CPN1: variants seen among roughly 807,000 people sequenced by gnomAD.
CPN1 encodes the protein carboxypeptidase N catalytic chain.
In CPN1, 37 loss-of-function variants were observed where a neutral mutation model predicts 46.4. The ratio of observed to expected loss-of-function variants is 0.80; its 90% CI spans 0.61 to 1.05. The LOEUF (loss-of-function observed/expected upper bound fraction) is 1.05, where lower values mean the gene tolerates loss of function less well. CPN1 is among the 50% of genes least tolerant of loss of function. The pLI is 0.00. For synonymous variants in CPN1, 224 were observed against 235.4 expected (o/e 0.95, Z 0.44); for missense variants, 563 against 602.6 (o/e 0.93, Z 0.69).
intron 5 of CPN1, among the ~76,000 whole-genome samples, chr10:100,060,887 T>C (rs556173484): frequency 6.6e-6 from 1 of 151,972 alleles, no homozygotes; most frequent in Admixed American, 6.6e-5. Flanking sequence ...GACGAATGGA[T>C]AAAGAAAATG....
chr10:100,066,059 G>A (rs539250799), intron 3 of CPN1, among the ~76,000 whole-genome samples: 27 of 151,848 alleles, frequency 1.8e-4, no homozygotes, highest in African/African-American at 4.6e-4. Context: ...GGACTCAAGC[G>A]ATCCTCCTAC....
chr10:100,049,677 G>A (rs1459627118), intron 7 of CPN1, among the ~76,000 whole-genome samples: 8 of 152,204 alleles, frequency 5.3e-5, no homozygotes, highest in African/African-American at 1.9e-4. Context: ...AAAGTGCTGC[G>A]ATTACAGGCA....
intron 5 of CPN1, among the ~76,000 whole-genome samples, chr10:100,061,183 A>G (rs999574133): frequency 1.3e-5 from 2 of 152,214 alleles, no homozygotes; most frequent in Non-Finnish European, 2.9e-5. Context: ...ACCATCAGCA[A>G]TAATTTGCTG....
intron 1 of CPN1, among the ~76,000 whole-genome samples, chr10:100,080,767 C>T (rs913333120): frequency 1.3e-5 from 2 of 152,100 alleles, no homozygotes; most frequent in African/African-American, 4.8e-5. Context: ...TTGGTGCATG[C>T]CTGTGGTCCC....
At chr10:100,048,700 C>CA in intron 8 of CPN1, 58 bp downstream of exon 8, 5 of 1,268,378 alleles carry the variant, frequency 3.9e-6, no homozygotes, top group Non-Finnish European at 4.6e-6. Flanking sequence ...CACTGTCCTC[C>CA]AAAAAAAGAC....
Position 100,047,695 on chromosome 10 carries a change from G to GA in CPN1, c.1230+1062dup, listed in dbSNP as rs2041323308. ...GGTATGCTCACACAAAACAAAAAAA[G>GA]AAAAAACAGGCCGGGCATGGTGGCT... On this transcript the variant is annotated intron_variant, in intron 8 of 8. Coordinates refer to ENST00000370418, the MANE Select transcript of CPN1 (RefSeq NM_001308.3). 2.0e-5 allele frequency among the ~76,000 whole-genome samples: 3 copies of GA among 152,118 alleles called. 1 individual carries two copies. In the East Asian group the frequency reaches 5.8e-4, roughly 30 times the overall value.
At chr10:100,076,602 G>A (rs2133448948) in intron 1 of CPN1, among the ~76,000 whole-genome samples, 1 of 152,338 alleles carries the variant, frequency 6.6e-6, no homozygotes, top group Admixed American at 6.5e-5. Flanking sequence ...TAGCGTAACA[G>A]CCGCTAATGA....
In CPN1 at chr10:100,057,138, T is replaced by TA. The variant is rs2041389012; in HGVS notation, c.885dup (p.Asn296Ter). ...TCAAAGCAGTTGGTATGGAGATAAT[T>TA]AAAGTCTTGCATTCCTAAGGGAAAG... is the stretch of plus-strand genomic sequence containing the variant. On this transcript the variant is annotated frameshift_variant, in exon 6 of 9. Coordinates refer to ENST00000370418, the MANE Select transcript of CPN1 (RefSeq NM_001308.3). LOFTEE classifies it high-confidence loss of function. 6.2e-7 allele frequency: 1 copy of TA among 1,614,150 alleles called. No individual in the cohort carries two copies.
intron 2 of CPN1, 83 bp downstream of exon 2, chr10:100,075,828 G>C: frequency 7.5e-7 from 1 of 1,340,512 alleles, no homozygotes; most frequent in Non-Finnish European, 1.1e-6. Flanking sequence ...TTTACAGTGG[G>C]ACAGAGAGGG....
chr10:100,046,951 G>A (rs1187647868), intron 8 of CPN1, among the ~76,000 whole-genome samples: 1 of 152,046 alleles, frequency 6.6e-6, no homozygotes, highest in Non-Finnish European at 1.5e-5. Context: ...GCACATGCCT[G>A]TAATCCCAGC....
chr10:100,060,940 A>C (rs2041413333), intron 5 of CPN1, among the ~76,000 whole-genome samples: 1 of 152,218 alleles, frequency 6.6e-6, no homozygotes, highest in South Asian at 2.1e-4. Context: ...CATTAAAAAA[A>C]ATAAGATCCT....
At position 100,071,207 on chromosome 10, in the gene CPN1, T is replaced by C. The variant is rs1441873325; in HGVS notation, c.421-1338A>G. On this transcript the variant is annotated intron_variant, in intron 2 of 8. Coordinates refer to ENST00000370418, the MANE Select transcript of CPN1 (RefSeq NM_001308.3). ...AGTATTAGTATTAGTTTAATACTATTAGTATTAGGAAACTGTGTTAGTTTC... is the reference window on the plus strand; with the variant it reads ...AGTATTAGTATTAGTTTAATACTATCAGTATTAGGAAACTGTGTTAGTTTC... Among the ~76,000 whole-genome samples, 5 of 152,338 alleles carry C rather than the reference T, an allele frequency of 3.3e-5. No homozygotes were observed. The East Asian group carries it at 9.6e-4, about 29-fold the overall frequency.
chr10:100,077,505 A>G (rs1181517512), intron 1 of CPN1, among the ~76,000 whole-genome samples: 1 of 152,152 alleles, frequency 6.6e-6, no homozygotes, highest in East Asian at 1.9e-4. Flanking sequence ...TGCTAGGATT[A>G]CAGGTGTGAG....
At chr10:100,052,220 G>A (rs796501392) in intron 7 of CPN1, among the ~76,000 whole-genome samples, 2 of 152,148 alleles carry the variant, frequency 1.3e-5, no homozygotes, top group African/African-American at 4.8e-5. Flanking sequence ...ACAGGCACAC[G>A]CCACTATACC....
At chr10:100,077,949 G>A (rs901533815) in intron 1 of CPN1, among the ~76,000 whole-genome samples, 17 of 151,996 alleles carry the variant, frequency 1.1e-4, no homozygotes, top group African/African-American at 3.9e-4. Context: ...AAATCTGTAA[G>A]TCTGGGAACC....
intron 3 of CPN1, among the ~76,000 whole-genome samples, chr10:100,065,795 A>AC (rs1490397800): frequency 6.7e-6 from 1 of 149,268 alleles, no homozygotes; most frequent in Non-Finnish European, 1.5e-5. Context: ...ACTGTGATAA[A>AC]CACACCCCTC....
At chr10:100,066,292 A>G (rs1476879261) in intron 3 of CPN1, among the ~76,000 whole-genome samples, 1 of 152,128 alleles carries the variant, frequency 6.6e-6, no homozygotes, top group African/African-American at 2.4e-5. Flanking sequence ...ATGATTGGAG[A>G]GCTCAGAGCC....
At chr10:100,056,867 A>G in intron 6 of CPN1, 146 bp downstream of exon 6, 1 of 995,202 alleles carries the variant, frequency 1.0e-6, no homozygotes, top group South Asian at 1.4e-5. Context: ...ATAATGTTGA[A>G]TGAATAAATC....
At chr10:100,043,687 G>C (rs1172247400) in intron 8 of CPN1, among the ~76,000 whole-genome samples, 6 of 150,414 alleles carry the variant, frequency 4.0e-5, no homozygotes, top group Non-Finnish European at 7.4e-5. Context: ...TTTAATTTTA[G>C]AGATGGGGTC....
Sources: gnomAD v4.1 joint callset for allele counts (sites outside exome capture counted in the v4.1 genomes callset) on GRCh38, gnomAD v4.1.1 for gene constraint, MANE v1.5 for transcripts, NCBI Gene and HGNC (gene_info 2026-07-23, HGNC 2026-07-21) for gene names.